BICD1: variants seen among roughly 807,000 people sequenced by gnomAD.
BICD1 encodes the protein protein bicaudal D homolog 1.
BICD1 carries 35 observed loss-of-function variants against 92.5 expected under a neutral mutation model. That is an observed-to-expected ratio of 0.38 (90% CI 0.29 to 0.50). The LOEUF (loss-of-function observed/expected upper bound fraction) is 0.50, where lower values mean the gene tolerates loss of function less well. BICD1 is among the 20% of genes least tolerant of loss of function. BICD1 has a pLI of 0.93. For synonymous variants in BICD1, 429 were observed against 465.1 expected (o/e 0.92, Z 1.00); for missense variants, 950 against 1,189.8 (o/e 0.80, Z 2.97).
intron 2 of BICD1, among the ~76,000 whole-genome samples, chr12:32,232,276 C>T (rs1312614524): frequency 6.7e-6 from 1 of 149,644 alleles, no homozygotes; most frequent in Non-Finnish European, 1.5e-5. Flanking sequence ...TAATGATTGC[C>T]ATTCTAACTG....
At chr12:32,215,193 C>T (rs1291042488) in intron 1 of BICD1, among the ~76,000 whole-genome samples, 1 of 152,170 alleles carries the variant, frequency 6.6e-6, no homozygotes, top group Non-Finnish European at 1.5e-5. Flanking sequence ...CATACCACTG[C>T]ATTCTATCCT....
chr12:32,331,847 G>A (rs376607681), intron 5 of BICD1, among the ~76,000 whole-genome samples: 12 of 152,148 alleles, frequency 7.9e-5, no homozygotes, highest in African/African-American at 2.4e-4. Flanking sequence ...TGGTCTGCAC[G>A]TTCATGATGT....
intron 8 of BICD1, among the ~76,000 whole-genome samples, chr12:32,358,260 C>T (rs910835430): frequency 6.6e-5 from 10 of 151,848 alleles, no homozygotes. Context: ...CCTACCATGC[C>T]CAGCTAATTT....
chr12:32,127,746 G>A (rs1286971560), intron 1 of BICD1, among the ~76,000 whole-genome samples: 3 of 152,016 alleles, frequency 2.0e-5, no homozygotes, highest in Admixed American at 6.6e-5. Context: ...GTTTATTTCC[G>A]TTTCCCCAAT....
chr12:32,227,064 A>G (rs1164880867), intron 2 of BICD1, among the ~76,000 whole-genome samples: 1 of 152,172 alleles, frequency 6.6e-6, no homozygotes, highest in Non-Finnish European at 1.5e-5. Flanking sequence ...AGGGAGCTGG[A>G]TGGACTGTGA....
intron 2 of BICD1, among the ~76,000 whole-genome samples, chr12:32,286,256 A>AC (rs1163462263): frequency 2.0e-5 from 3 of 152,178 alleles, no homozygotes; most frequent in Non-Finnish European, 4.4e-5. Context: ...TACAATGTAT[A>AC]TATTCCCATT....
intron 8 of BICD1, among the ~76,000 whole-genome samples, chr12:32,363,568 G>A (rs1939413741): frequency 6.6e-6 from 1 of 151,612 alleles, no homozygotes; most frequent in Non-Finnish European, 1.5e-5. Flanking sequence ...TTACAAAGAA[G>A]TTATTTGACT....
At chr12:32,197,175 AT>A (rs1199770194) in intron 1 of BICD1, among the ~76,000 whole-genome samples, 1 of 151,932 alleles carries the variant, frequency 6.6e-6, no homozygotes, top group Admixed American at 6.6e-5. Flanking sequence ...TGCCCAACTG[AT>A]TTTTGTATTT....
intron 4 of BICD1, among the ~76,000 whole-genome samples, chr12:32,308,133 A>C (rs927354042): frequency 6.6e-6 from 1 of 152,222 alleles, no homozygotes; most frequent in African/African-American, 2.4e-5. Context: ...CAATTAAAAG[A>C]ATGGTGGAAA....
intron 1 of BICD1, among the ~76,000 whole-genome samples, chr12:32,157,865 CTTT>C (rs1219173496): frequency 6.6e-6 from 1 of 152,100 alleles, no homozygotes; most frequent in Admixed American, 6.5e-5. Flanking sequence ...AAGGTGTGGT[CTTT>C]GGAATTTGAC....
intron 1 of BICD1, among the ~76,000 whole-genome samples, chr12:32,187,714 A>G (rs1173213594): frequency 6.6e-6 from 1 of 151,670 alleles, no homozygotes; most frequent in African/African-American, 2.4e-5. Context: ...CTATGGAAAC[A>G]GCAGACACTG....
At chr12:32,223,868 G>A (rs2121575882) in intron 2 of BICD1, among the ~76,000 whole-genome samples, 1 of 152,294 alleles carries the variant, frequency 6.6e-6, no homozygotes, top group Admixed American at 6.5e-5. Context: ...AAGGCCCAAG[G>A]AGAAAGAGAT....
At chr12:32,117,880 A>C (rs2121200452) in intron 1 of BICD1, among the ~76,000 whole-genome samples, 1 of 149,886 alleles carries the variant, frequency 6.7e-6, no homozygotes, top group East Asian at 2.0e-4. Context: ...GCTCCCGAGT[A>C]GCTGGGATTA....
chr12:32,282,978 G>T (rs1182364101), intron 2 of BICD1, among the ~76,000 whole-genome samples: 2 of 152,164 alleles, frequency 1.3e-5, no homozygotes, highest in Non-Finnish European at 2.9e-5. Flanking sequence ...AAAGGTTAAG[G>T]TTTGTTTGTT....
chr12:32,242,999 T>TA (rs1395676412), intron 2 of BICD1, among the ~76,000 whole-genome samples: 1 of 152,188 alleles, frequency 6.6e-6, no homozygotes, highest in Admixed American at 6.5e-5. Flanking sequence ...ACATGTGACA[T>TA]ACTTGAAATA....
chr12:32,308,295 A>G (rs1478222278), intron 4 of BICD1, among the ~76,000 whole-genome samples: 1 of 152,206 alleles, frequency 6.6e-6, no homozygotes, highest in African/African-American at 2.4e-5. Flanking sequence ...TGCTGGTTAC[A>G]TTTCCTCAGT....
chr12:32,300,242 C>A (rs950599689), intron 3 of BICD1, among the ~76,000 whole-genome samples: 2 of 152,000 alleles, frequency 1.3e-5, no homozygotes, highest in Admixed American at 1.3e-4. Flanking sequence ...GCTGGGACTA[C>A]AGGCACCCGC....
At chr12:32,185,103 C>T (rs1438108595) in intron 1 of BICD1, among the ~76,000 whole-genome samples, 1 of 152,218 alleles carries the variant, frequency 6.6e-6, no homozygotes, top group Non-Finnish European at 1.5e-5. Context: ...GAAGCAGAGA[C>T]TCTGCCATCT....
At chr12:32,254,926 T>A in intron 2 of BICD1, among the ~76,000 whole-genome samples, 1 of 152,200 alleles carries the variant, frequency 6.6e-6, no homozygotes, top group Non-Finnish European at 1.5e-5. Context: ...AGTGTTTTCA[T>A]GAGATTCATT....
Sources: allele counts gnomAD v4.1 joint callset (sites outside exome capture counted in the v4.1 genomes callset), GRCh38; gene constraint gnomAD v4.1.1; transcripts MANE v1.5; gene names NCBI Gene and HGNC (gene_info 2026-07-23, HGNC 2026-07-21).